ZNF732: variants seen among roughly 807,000 people sequenced by gnomAD.
The protein encoded by ZNF732 is zinc finger protein LOC654254.
Under a neutral mutation model 11.5 loss-of-function variants are expected in ZNF732, and 12 were observed. The ratio of observed to expected loss-of-function variants is 1.05; its 90% CI spans 0.67 to 1.70. The LOEUF (loss-of-function observed/expected upper bound fraction) is 1.70, where lower values mean the gene tolerates loss of function less well. Among genes scored for constraint, ZNF732 ranks in the 40% most tolerant of loss-of-function variants. ZNF732 has a pLI of 0.00. For synonymous variants in ZNF732, 231 were observed against 236.5 expected, an observed-to-expected ratio of 0.98 and a Z score of 0.21; for missense variants, 702 against 676.9, an observed-to-expected ratio of 1.04 and a Z score of -0.41.
At chr4:289,629 G>A (rs1376772194) in intron 3 of ZNF732, among the ~76,000 whole-genome samples, 1 of 152,186 alleles carries the variant, frequency 6.6e-6, no homozygotes, top group African/African-American at 2.4e-5. Flanking sequence ...CCACTACAAA[G>A]AATTTTGAAT....
At chr4:279,190 G>C (rs1553839263) in intron 3 of ZNF732, among the ~76,000 whole-genome samples, 1 of 151,460 alleles carries the variant, frequency 6.6e-6, no homozygotes, top group African/African-American at 2.4e-5. Flanking sequence ...TATAATTCCA[G>C]CACTTTGGGA....
At chr4:299,457 A>ATGTG in intron 1 of ZNF732, among the ~76,000 whole-genome samples, 36 of 40,796 alleles carry the variant, frequency 8.8e-4, no homozygotes, top group Non-Finnish European at 1.5e-3. Context: ...ATATACACAT[A>ATGTG]TGTGTATATA....
chr4:303,597 CAG>C (rs568758738), intron 1 of ZNF732, among the ~76,000 whole-genome samples: 153 of 152,296 alleles, frequency 1.0e-3, no homozygotes, highest in African/African-American at 3.6e-3. Context: ...GCCTGGGCAA[CAG>C]AGTGAGACTC....
Position 272,177 on chromosome 4 carries a change from T to C in ZNF732, c.680A>G (p.Glu227Gly). The C allele has an allele frequency of 6.2e-7, 1 of 1,613,506 alleles. No individual in the cohort carries two copies. Among genetic ancestry groups the C allele is most frequent in the Non-Finnish European group, 8.5e-7 (1 of 1,179,652 alleles). Residue 227 changes from glutamate (E) to glycine (G), a missense_variant, in exon 4 of 4, where the codon GAA becomes GGA. Around this residue, in one of 3 missense-constraint regions of ZNF732, gnomAD observed 596 missense variants for 557.9 expected, o/e 1.07. Coordinates refer to ENST00000419098, the MANE Select transcript of ZNF732 (RefSeq NM_001137608.3). ...GGATGTGGTAAAGATGTTGCCACAT[T>C]CTTCACATGTGAAGGGTTTCTCTCC... ...HTGEKPFTCE[E>G]CGNIFTTSSN...
intron 3 of ZNF732, among the ~76,000 whole-genome samples, chr4:287,638 AAT>A (rs1178417579): frequency 6.6e-6 from 1 of 151,422 alleles, no homozygotes; most frequent in African/African-American, 2.4e-5. Context: ...CTGTTTGAAA[AAT>A]ATATATATAT....
At chr4:293,199 G>T (rs1719877121) in intron 3 of ZNF732, among the ~76,000 whole-genome samples, 1 of 141,458 alleles carries the variant, frequency 7.1e-6, no homozygotes, top group African/African-American at 2.8e-5. Flanking sequence ...TTCAGCCCAT[G>T]TTTGCTGTAG....
intron 1 of ZNF732, among the ~76,000 whole-genome samples, chr4:300,469 A>AAAG (rs1720092900): frequency 1.3e-5 from 2 of 151,238 alleles, no homozygotes; most frequent in Admixed American, 6.6e-5. Context: ...AAAAAAAAAA[A>AAAG]AAAAAGAAAA....
chr4:304,569 C>T (rs968980773), intron 1 of ZNF732, among the ~76,000 whole-genome samples: 1 of 120,854 alleles, frequency 8.3e-6, no homozygotes, highest in Non-Finnish European at 1.8e-5. Context: ...CGCAGCTGCC[C>T]CCCCCCTGCA....
intron 1 of ZNF732, among the ~76,000 whole-genome samples, chr4:299,399 A>G (rs1237899905): frequency 2.2e-5 from 1 of 45,156 alleles, no homozygotes; most frequent in African/African-American, 5.0e-5. Flanking sequence ...ATGTACACAT[A>G]TGTGTATATA....
At chr4:289,891 T>G (rs1000189243) in intron 3 of ZNF732, among the ~76,000 whole-genome samples, 16 of 152,154 alleles carry the variant, frequency 1.1e-4, no homozygotes, top group Non-Finnish European at 1.9e-4. Context: ...GAGATTTGAC[T>G]GCAGACACAG....
At chr4:288,312 C>A (rs1360270557) in intron 3 of ZNF732, among the ~76,000 whole-genome samples, 1 of 152,028 alleles carries the variant, frequency 6.6e-6, no homozygotes, top group African/African-American at 2.4e-5. Flanking sequence ...TGTAAGAAAA[C>A]ATTGCTGAGA....
intron 3 of ZNF732, among the ~76,000 whole-genome samples, chr4:278,935 T>C (rs1308147603): frequency 6.6e-6 from 1 of 152,202 alleles, no homozygotes; most frequent in Non-Finnish European, 1.5e-5. Context: ...TATATCTCCT[T>C]TTCCTTCTCC....
intron 3 of ZNF732, among the ~76,000 whole-genome samples, chr4:293,833 T>C (rs1331238382): frequency 3.3e-5 from 5 of 152,088 alleles, no homozygotes; most frequent in Admixed American, 3.3e-4. Context: ...TAAATATAGT[T>C]ATACTATTTT....
Position 271,047 on chromosome 4 carries a change from G to T in ZNF732, c.*52C>A. 7.4e-7 allele frequency: 1 copy of T among 1,355,904 alleles called. No individual in the cohort carries two copies. The highest frequency in any genetic ancestry group is 2.4e-5 in the East Asian group (1 of 40,992). The allele number at this position is 1,355,904 out of a possible 1,614,324, so 84.0% of individuals were successfully genotyped here. A position where few individuals can be genotyped will look rare whatever the true frequency, so the allele number is the denominator to read the frequency against. ...TTATTTCCAGTATAAATTTTCTTAT[G>T]TTCATTCAGGTTTGTGGATCATCCA... On this transcript the variant is annotated 3_prime_UTR_variant, in exon 4 of 4. Transcript: ENST00000419098.
intron 3 of ZNF732, among the ~76,000 whole-genome samples, chr4:288,780 G>A (rs539670644): frequency 5.3e-5 from 8 of 152,272 alleles, no homozygotes; most frequent in South Asian, 4.1e-4. Context: ...TAGGCTGGGC[G>A]CAGTGGCTCA....
rs781958281 is a variant in ZNF732 at position 272,585 on chromosome 4, A to C, written c.272T>G (p.Ile91Arg). 1 of 1,578,982 alleles carries C rather than the reference A, an allele frequency of 6.3e-7. No individual in the cohort carries two copies. Among genetic ancestry groups the C allele is most frequent in the African/African-American group, 1.4e-5 (1 of 73,372 alleles). Reference sequence around the variant, plus strand: ...TATAAGTTTGTGGAACGAATCTTCTATCCCCTGCACTGGCAAAAAGTCTTG... The same window carrying C: ...TATAAGTTTGTGGAACGAATCTTCTCTCCCCTGCACTGGCAAAAAGTCTTG... ...FTQDFLPVQG[I>R]EDSFHKLILR... The change falls in exon 4 of 4, where the codon ATA becomes AGA. Residue 91 changes from isoleucine to arginine, a missense_variant. Physicochemically the swap from Ile to Arg is moderately conservative, Grantham distance 97 (BLOSUM62 -3). Around this residue, in one of 3 missense-constraint regions of ZNF732, gnomAD observed 596 missense variants for 557.9 expected, o/e 1.07. Transcript: ENST00000419098.
chr4:279,007 G>A (rs1315281540), intron 3 of ZNF732, among the ~76,000 whole-genome samples: 1 of 152,136 alleles, frequency 6.6e-6, no homozygotes, highest in Non-Finnish European at 1.5e-5. Context: ...CCATTTACAT[G>A]GGATAAAGGT....
chr4:295,746 AATTGT>A lies in ZNF732; in HGVS notation c.131-218_131-214del, dbSNP rs1474147202. 2.6e-5 allele frequency among the ~76,000 whole-genome samples: 4 copies of A among 152,292 alleles called. No individual in the cohort carries two copies. In the East Asian group the frequency reaches 7.7e-4, roughly 29 times the overall value. On this transcript the variant is annotated intron_variant, in intron 2 of 3. Coordinates refer to ENST00000419098, the MANE Select transcript of ZNF732 (RefSeq NM_001137608.3). ...CTACTGAATCAAAATAAGCGGTGCA[AATTGT>A]ATTTTAAGATGTGGGAAACAATAAT...
intron 3 of ZNF732, among the ~76,000 whole-genome samples, chr4:279,378 A>G (rs1337220283): frequency 1.3e-5 from 2 of 151,676 alleles, no homozygotes; most frequent in African/African-American, 2.4e-5. Context: ...CCCGGGAGGC[A>G]GAGCTTGCAG....
Sources: allele counts gnomAD v4.1 joint callset (sites outside exome capture counted in the v4.1 genomes callset), GRCh38; gene constraint gnomAD v4.1.1; regional missense constraint gnomAD v4.1.1; transcripts MANE v1.5; gene names NCBI Gene and HGNC (gene_info 2026-07-23, HGNC 2026-07-21).